Variants in WRN observed in about 807,000 individuals in gnomAD.
WRN encodes WRN RecQ like helicase, also known as bifunctional 3'-5' exonuclease/ATP-dependent helicase WRN.
WRN carries 149 observed loss-of-function variants against 180.7 expected under a neutral mutation model. That is an observed-to-expected ratio of 0.82 (90% CI 0.72 to 0.94). WRN has a LOEUF of 0.94. Among genes scored for constraint, WRN ranks in the 40% least tolerant of loss-of-function variants. The pLI is 0.00. For missense variants in WRN, 1,661 were observed against 1,700.1 expected (o/e 0.98, Z 0.40); for synonymous variants, 548 against 568.9 (o/e 0.96, Z 0.52).
At position 31,133,502 on chromosome 8, in the gene WRN, G is replaced by A. The variant is rs546261066; in HGVS notation, c.2967+996G>A. 1.0e-3 allele frequency among the ~76,000 whole-genome samples: 154 copies of A among 151,796 alleles called. 1 individual carries two copies. The highest frequency in any genetic ancestry group is 3.3e-3 in the Admixed American group (50 of 15,236). Reference sequence around the variant, plus strand: ...ATTGTGCCACTGCACTCCAGCCTGCGCGACAGAGCAAGATTCTGTCTCAAT... The same window carrying A: ...ATTGTGCCACTGCACTCCAGCCTGCACGACAGAGCAAGATTCTGTCTCAAT... On this transcript the variant is annotated intron_variant, in intron 24 of 34. Coordinates refer to ENST00000298139, the MANE Select transcript of WRN (RefSeq NM_000553.6).
At position 31,120,431 on chromosome 8, in the gene WRN, A is replaced by T. The variant is rs952563897; in HGVS notation, c.2630+7A>T. 15 of 1,610,702 alleles carry T rather than the reference A, an allele frequency of 9.3e-6. No homozygotes were observed. In the Admixed American group the frequency reaches 2.0e-4, roughly 22 times the overall value. The stretch of plus-strand genomic sequence containing the variant: ...CAGACATTAACTTAAATAGGTAAAA[A>T]AAATTTATTGTTTTTACTCTTGCAG... On this transcript the variant is annotated splice_region_variant and intron_variant, in intron 21 of 34. Transcript: ENST00000298139.
chr8:31,116,289 A>T, intron 19 of WRN, 65 bp from the exon 20 acceptor site: 1 of 1,553,280 alleles, frequency 6.4e-7, no homozygotes, highest in Non-Finnish European at 8.8e-7. Flanking sequence ...ATAAGATAAA[A>T]CCAAACGGGT....
At chr8:31,167,850 A>G (rs1252848641) in intron 34 of WRN, among the ~76,000 whole-genome samples, 5 of 152,178 alleles carry the variant, frequency 3.3e-5, no homozygotes, top group Non-Finnish European at 5.9e-5. Context: ...ACTCTATTAA[A>G]TGATGGCATA....
chr8:31,137,529 A>G (rs1802445130), intron 24 of WRN, among the ~76,000 whole-genome samples: 2 of 152,152 alleles, frequency 1.3e-5, no homozygotes, highest in South Asian at 4.1e-4. Context: ...TTTTACTCTT[A>G]GATTAAGAAA....
chr8:31,154,830 A>G, intron 32 of WRN, 75 bp downstream of exon 32: 2 of 1,573,854 alleles, frequency 1.3e-6, no homozygotes, highest in South Asian at 1.1e-5. Flanking sequence ...TTTTAGTATT[A>G]AAGTTCTGAC....
At chr8:31,164,931 A>G (rs542328423) in intron 33 of WRN, among the ~76,000 whole-genome samples, 1 of 152,244 alleles carries the variant, frequency 6.6e-6, no homozygotes, top group Non-Finnish European at 1.5e-5. Context: ...TATATATAAA[A>G]CGCAGGATGA....
intron 6 of WRN, among the ~76,000 whole-genome samples, chr8:31,067,932 A>G (rs904912511): frequency 2.0e-5 from 3 of 152,178 alleles, no homozygotes; most frequent in Admixed American, 6.5e-5. Context: ...ACTTGAGACT[A>G]ACATTCTCAG....
rs756575284 is a variant in WRN, at chr8:31,059,253, C to T, written c.197C>T (p.Ser66Leu). ...SYDASDCSFL[S>L]EDISMSLSDG... ...GATGCTAGTGATTGCTCTTTCCTGT[C>T]AGAAGATATTAGGTAAGTGATTTGA... Residue 66 changes from serine to leucine, a missense_variant, in exon 3 of 35, where the codon TCA becomes TTA. Ser to Leu is a moderately radical substitution (Grantham distance 145, BLOSUM62 -2). Around this residue, in one of 3 missense-constraint regions of WRN, gnomAD observed 500 missense variants for 504.1 expected, o/e 0.99. Coordinates refer to ENST00000298139, the MANE Select transcript of WRN (RefSeq NM_000553.6). 2.7e-5 allele frequency: 44 copies of T among 1,612,466 alleles called. No homozygotes were observed. Among genetic ancestry groups the T allele is most frequent in the African/African-American group, 5.3e-5 (4 of 74,896 alleles).
chr8:31,144,339 G>GTT (rs35613465), intron 28 of WRN, among the ~76,000 whole-genome samples: 8,317 of 144,182 alleles, frequency 0.058, 321 homozygotes, highest in South Asian at 0.084. Flanking sequence ...CTCTAAGTGT[G>GTT]TTTTTTTTTT....
intron 11 of WRN, among the ~76,000 whole-genome samples, chr8:31,087,475 A>G (rs1195142850): frequency 1.3e-5 from 2 of 152,218 alleles, no homozygotes; most frequent in Non-Finnish European, 2.9e-5. Context: ...AATAAAGAAT[A>G]AAATGTTTTA....
In WRN at chr8:31,057,153, A is replaced by G. The variant is rs149427901; in HGVS notation, c.-76-1219A>G. Among the ~76,000 whole-genome samples the G allele has an allele frequency of 7.4e-3, 1,124 of 152,276 alleles. 16 individuals are homozygous for G. The highest frequency in any genetic ancestry group is 0.026 in the African/African-American group (1,085 of 41,562). On this transcript the variant is annotated intron_variant, in intron 1 of 34. Transcript: ENST00000298139. The stretch of plus-strand genomic sequence containing the variant: ...TTGGGATAGTTGCTGCATATTGTTT[A>G]ATTTTGTCAGAATTTATATTGTTAA...
rs1563380483 is a variant in WRN, at chr8:31,147,485, T to C, written c.3572+9T>C. The stretch of plus-strand genomic sequence containing the variant: ...GATATGGCCAAAATGAGGTAAACTA[T>C]CTTTTGCATGTGTTCTATTTATTTC... On this transcript the variant is annotated intron_variant, in intron 30 of 34. Coordinates refer to ENST00000298139, the MANE Select transcript of WRN (RefSeq NM_000553.6). 6.5e-7 allele frequency: 1 copy of C among 1,548,422 alleles called. No individual in the cohort carries two copies. The highest frequency in any genetic ancestry group is 8.7e-7 in the Non-Finnish European group (1 of 1,153,244).
At chr8:31,080,114 C>T (rs1215685811) in intron 8 of WRN, among the ~76,000 whole-genome samples, 3 of 152,204 alleles carry the variant, frequency 2.0e-5, no homozygotes, top group Non-Finnish European at 4.4e-5. Context: ...CTTCAGACCT[C>T]AAGTGATTCA....
chr8:31,163,191 C>G (rs112565934), intron 33 of WRN, among the ~76,000 whole-genome samples: 1 of 152,340 alleles, frequency 6.6e-6, no homozygotes, highest in Non-Finnish European at 1.5e-5. Flanking sequence ...TCTAACATCA[C>G]TTCATTATGG....
chr8:31,092,215 A>T (rs1813775261), intron 16 of WRN, among the ~76,000 whole-genome samples: 1 of 152,106 alleles, frequency 6.6e-6, no homozygotes, highest in South Asian at 2.1e-4. Context: ...CATTGTACTC[A>T]TAGAATTATA....
intron 1 of WRN, among the ~76,000 whole-genome samples, chr8:31,048,175 A>G (rs1317514875): frequency 2.0e-5 from 3 of 152,228 alleles, no homozygotes; most frequent in African/African-American, 7.2e-5. Flanking sequence ...TAAAAATTAC[A>G]TCGTCTTACT....
intron 6 of WRN, 80 bp downstream of exon 6, chr8:31,067,262 A>T (rs919269017): frequency 1.3e-6 from 2 of 1,498,292 alleles, no homozygotes; most frequent in South Asian, 1.2e-5. Flanking sequence ...ATTTTATTAT[A>T]GTAGTGGCAG....
At chr8:31,046,157 GATA>G (rs1460525549) in intron 1 of WRN, among the ~76,000 whole-genome samples, 2 of 152,084 alleles carry the variant, frequency 1.3e-5, no homozygotes, top group African/African-American at 4.8e-5. Context: ...AATGAGATAG[GATA>G]ATAATTTATC....
At chr8:31,124,060 G>A (rs541474802) in intron 21 of WRN, among the ~76,000 whole-genome samples, 5 of 152,024 alleles carry the variant, frequency 3.3e-5, no homozygotes, top group Non-Finnish European at 2.9e-5. Flanking sequence ...TAGAGATAAA[G>A]GTTCAAATTT....
Sources: gnomAD v4.1 joint callset for allele counts (sites outside exome capture counted in the v4.1 genomes callset) on GRCh38, gnomAD v4.1.1 for gene constraint, gnomAD v4.1.1 regional missense constraint, MANE v1.5 for transcripts, NCBI Gene and HGNC (gene_info 2026-07-23, HGNC 2026-07-21) for gene names.